SCHIP1: variants seen among roughly 807,000 people sequenced by gnomAD.
SCHIP1 encodes the protein schwannomin-interacting protein 1.
Under a neutral mutation model 29.7 loss-of-function variants are expected in SCHIP1, and 8 were observed. The observed-to-expected ratio is 0.27, with a 90% confidence interval of 0.16 to 0.49. SCHIP1 has a LOEUF of 0.49. Among genes scored for constraint, SCHIP1 ranks in the 20% least tolerant of loss-of-function variants. The pLI is 0.99. For synonymous variants in SCHIP1, 76 were observed against 94.9 expected, an observed-to-expected ratio of 0.80 and a Z score of 1.16; for missense variants, 193 against 294.6, an observed-to-expected ratio of 0.66 and a Z score of 2.52.
chr3:159,603,346 A>G, the SCHIP1 span, among the ~76,000 whole-genome samples: 1 of 152,150 alleles, frequency 6.6e-6, no homozygotes, highest in Non-Finnish European at 1.5e-5. Context: ...CATTACATAG[A>G]CATGATTGAT....
chr3:159,442,845 G>T, the SCHIP1 span, among the ~76,000 whole-genome samples: 1 of 152,194 alleles, frequency 6.6e-6, no homozygotes, highest in Non-Finnish European at 1.5e-5. Flanking sequence ...CTCCATTGCT[G>T]CAGTTAACTA....
At chr3:159,273,877 T>G in the SCHIP1 span, 1 of 1,613,492 alleles carries the variant, frequency 6.2e-7, no homozygotes, top group South Asian at 1.1e-5. Context: ...GCAAGCACTC[T>G]GACAGTGTAA....
chr3:159,750,290 TATATATACACACAC>T, the SCHIP1 span, among the ~76,000 whole-genome samples: 2 of 128,798 alleles, frequency 1.6e-5, no homozygotes, highest in South Asian at 2.5e-4. Context: ...TATATATATA[TATATATACACACAC>T]ACACACACAC....
chr3:159,760,726 G>T, the SCHIP1 span, among the ~76,000 whole-genome samples: 1 of 152,136 alleles, frequency 6.6e-6, no homozygotes, highest in African/African-American at 2.4e-5. Context: ...ACCCATCTAA[G>T]GGTTGGGAAG....
the SCHIP1 span, among the ~76,000 whole-genome samples, chr3:159,781,484 A>G: frequency 6.6e-6 from 1 of 152,168 alleles, no homozygotes; most frequent in Non-Finnish European, 1.5e-5. Flanking sequence ...CCAATAAGTT[A>G]TATTTTTAAA....
the SCHIP1 span, among the ~76,000 whole-genome samples, chr3:159,474,977 C>A: frequency 2.0e-5 from 3 of 152,134 alleles, no homozygotes; most frequent in East Asian, 3.9e-4. Context: ...GAAATTAGAA[C>A]CCTCATATAT....
At chr3:159,821,649 CTT>C in the SCHIP1 span, among the ~76,000 whole-genome samples, 4 of 152,146 alleles carry the variant, frequency 2.6e-5, no homozygotes, top group African/African-American at 9.7e-5. Context: ...TTTATTTTTC[CTT>C]TTTCACAATT....
the SCHIP1 span, among the ~76,000 whole-genome samples, chr3:159,296,080 G>A: frequency 0.015 from 2,228 of 151,256 alleles, 40 homozygotes; most frequent in African/African-American, 0.048. Flanking sequence ...TGTCATTCCC[G>A]AGAGAGGAGG....
chr3:159,301,067 AT>A, the SCHIP1 span, among the ~76,000 whole-genome samples: 1 of 152,226 alleles, frequency 6.6e-6, no homozygotes, highest in East Asian at 1.9e-4. Flanking sequence ...AATAGCACAT[AT>A]TGATAGTACA....
chr3:159,307,677 T>C, the SCHIP1 span, among the ~76,000 whole-genome samples: 1 of 152,170 alleles, frequency 6.6e-6, no homozygotes, highest in East Asian at 1.9e-4. Context: ...TCTTAGGTTG[T>C]CTGTCTTCCA....
At chr3:159,897,185 TAGTG>T (rs1045923994) in exon 7 of SCHIP1, 2 of 154,014 alleles carry the variant, frequency 1.3e-5, no homozygotes, top group African/African-American at 4.8e-5. Context: ...GCCTGCCTCG[TAGTG>T]AAGTTGTAGC....
the SCHIP1 span, among the ~76,000 whole-genome samples, chr3:159,780,539 CA>C: frequency 6.6e-6 from 1 of 152,284 alleles, no homozygotes; most frequent in South Asian, 2.1e-4. Flanking sequence ...TCATCTGGCC[CA>C]AACCCCTATA....
chr3:159,505,690 C>T, the SCHIP1 span, among the ~76,000 whole-genome samples: 4 of 151,534 alleles, frequency 2.6e-5, no homozygotes, highest in African/African-American at 7.3e-5. Flanking sequence ...TCTCATTGTT[C>T]GATTCCCACC....
the SCHIP1 span, among the ~76,000 whole-genome samples, chr3:159,707,287 C>A: frequency 6.6e-6 from 1 of 152,218 alleles, no homozygotes; most frequent in Admixed American, 6.5e-5. Context: ...ATGGTATAAT[C>A]ATTAAAAGAT....
At chr3:159,779,752 T>C in the SCHIP1 span, among the ~76,000 whole-genome samples, 3 of 150,696 alleles carry the variant, frequency 2.0e-5, no homozygotes, top group Non-Finnish European at 4.4e-5. Flanking sequence ...GGTAATTTCC[T>C]TTTGTTTAAT....
the SCHIP1 span, among the ~76,000 whole-genome samples, chr3:159,550,094 A>T: frequency 6.6e-6 from 1 of 151,880 alleles, no homozygotes; most frequent in African/African-American, 2.4e-5. Flanking sequence ...TAATTATCTT[A>T]AGATATCTTA....
At chr3:159,864,797 T>C (rs1325678676) in intron 1 of SCHIP1, among the ~76,000 whole-genome samples, 5 of 152,200 alleles carry the variant, frequency 3.3e-5, no homozygotes, top group Admixed American at 3.3e-4. Context: ...TTTGCTGTCA[T>C]GTATTTTATT....
At chr3:159,468,954 G>C in the SCHIP1 span, among the ~76,000 whole-genome samples, 1 of 151,458 alleles carries the variant, frequency 6.6e-6, no homozygotes, top group East Asian at 1.9e-4. Context: ...ATTTAGTAAA[G>C]ACGGGGTTTC....
the SCHIP1 span, among the ~76,000 whole-genome samples, chr3:159,760,924 A>G: frequency 1.3e-4 from 20 of 152,220 alleles, no homozygotes; most frequent in Admixed American, 3.9e-4. Context: ...CAACCTCAAT[A>G]CAGTGCATAA....
Sources: gnomAD v4.1 joint callset for allele counts (sites outside exome capture counted in the v4.1 genomes callset) on GRCh38, gnomAD v4.1.1 for gene constraint, MANE v1.5 for transcripts, NCBI Gene and HGNC (gene_info 2026-07-23, HGNC 2026-07-21) for gene names.